The following SLC9B1 variants were observed in gnomAD, a reference collection of about 807,000 sequenced individuals.
SLC9B1 encodes solute carrier family 9 member B1, also known as sodium/hydrogen exchanger 9B1.
SLC9B1 carries 32 observed loss-of-function variants against 51.7 expected under a neutral mutation model. The observed-to-expected ratio is 0.62, with a 90% confidence interval of 0.47 to 0.83. The LOEUF (loss-of-function observed/expected upper bound fraction) is 0.83. Among genes scored for constraint, SLC9B1 ranks in the 40% least tolerant of loss-of-function variants. The probability of loss-of-function intolerance (pLI) is 0.00; values close to 1 mark genes in which losing one functional copy is unlikely to be tolerated. For missense variants in SLC9B1, 406 were observed against 613.2 expected (o/e 0.66, Z 3.57); for synonymous variants, 145 against 212.7 (o/e 0.68, Z 2.77).
intron 7 of SLC9B1, among the ~76,000 whole-genome samples, chr4:102,920,782 G>A (rs1317220091): frequency 6.6e-6 from 1 of 152,192 alleles, no homozygotes; most frequent in Non-Finnish European, 1.5e-5. Flanking sequence ...TTCAATAGCC[G>A]ATTCAATCAA....
chr4:102,919,766 G>A (rs1411275845), intron 7 of SLC9B1, among the ~76,000 whole-genome samples: 2 of 152,180 alleles, frequency 1.3e-5, no homozygotes, highest in Non-Finnish European at 2.9e-5. Flanking sequence ...CCCGTGCCTG[G>A]CTCAGCGGGT....
intron 3 of SLC9B1, 75 bp from the exon 4 acceptor site, chr4:102,949,502 T>C: frequency 8.3e-7 from 1 of 1,199,880 alleles, no homozygotes; most frequent in Non-Finnish European, 1.1e-6. Context: ...CAATTCTCTT[T>C]TATCATATAT....
chr4:102,912,930 C>T (rs973536433), intron 7 of SLC9B1, among the ~76,000 whole-genome samples: 13 of 152,086 alleles, frequency 8.5e-5, no homozygotes, highest in African/African-American at 2.9e-4. Context: ...TGGGGAGCTC[C>T]AAACCTTGAT....
chr4:102,957,148 C>T (rs1028420946), intron 3 of SLC9B1, among the ~76,000 whole-genome samples: 12 of 151,914 alleles, frequency 7.9e-5, no homozygotes, highest in South Asian at 2.1e-4. Context: ...GAAAAAAGAA[C>T]GAAGAATAAT....
intron 1 of SLC9B1, among the ~76,000 whole-genome samples, chr4:103,000,924 T>C (rs955167627): frequency 2.6e-5 from 4 of 152,228 alleles, no homozygotes; most frequent in African/African-American, 9.6e-5. Context: ...CAACCCTACA[T>C]TTCCTTTCCA....
At chr4:103,009,443 A>G (rs916321411) in intron 1 of SLC9B1, among the ~76,000 whole-genome samples, 1 of 152,174 alleles carries the variant, frequency 6.6e-6, no homozygotes, top group Non-Finnish European at 1.5e-5. Flanking sequence ...CTCTCCTCTA[A>G]AGAAAGGTAT....
intron 3 of SLC9B1, among the ~76,000 whole-genome samples, chr4:102,981,792 A>G (rs1430799323): frequency 2.6e-5 from 4 of 152,116 alleles, no homozygotes; most frequent in Non-Finnish European, 5.9e-5. Flanking sequence ...ATTTTCTTCC[A>G]ATCTGTTGCT....
At chr4:102,898,403 C>T (rs181124591), downstream of SLC9B1, among the ~76,000 whole-genome samples, 752 of 152,248 alleles carry the variant, frequency 4.9e-3, 4 homozygotes, top group African/African-American at 0.017. Flanking sequence ...CTAACAAATG[C>T]AATGATAGTC....
chr4:102,961,516 A>G (rs1220215453), intron 3 of SLC9B1, among the ~76,000 whole-genome samples: 2 of 152,252 alleles, frequency 1.3e-5, no homozygotes, highest in Non-Finnish European at 2.9e-5. Context: ...TTGTCTGAAT[A>G]GTATTTGCCA....
rs1733905261 is a variant in SLC9B1 at position 102,886,216 on chromosome 4, C to T, written c.1333-888G>A. On this transcript the variant is annotated intron_variant, in intron 11 of 11. Transcript: ENST00000394789. ...AAAACGAATACACGCAGGCCAGGCG[C>T]GGTGGCTCACGCCTGTAATCCCAGC... 4.6e-5 allele frequency among the ~76,000 whole-genome samples: 7 copies of T among 152,166 alleles called. No homozygotes were observed. In the South Asian group the frequency reaches 1.2e-3, roughly 27 times the overall value.
At chr4:102,902,555 T>C (rs566681812) in intron 11 of SLC9B1, among the ~76,000 whole-genome samples, 5 of 152,090 alleles carry the variant, frequency 3.3e-5, no homozygotes, top group African/African-American at 4.8e-5. Flanking sequence ...ACCAAACCCA[T>C]TGACTTTTAA....
At chr4:102,916,943 T>C (rs1331483570) in intron 7 of SLC9B1, among the ~76,000 whole-genome samples, 1 of 152,200 alleles carries the variant, frequency 6.6e-6, no homozygotes, top group Non-Finnish European at 1.5e-5. Context: ...AGGAGAATGA[T>C]GGATGAGTTA....
chr4:102,984,854 C>T (rs181251594), intron 3 of SLC9B1, among the ~76,000 whole-genome samples: 2 of 152,182 alleles, frequency 1.3e-5, no homozygotes, highest in African/African-American at 4.8e-5. Flanking sequence ...GTTTTTAACT[C>T]ATGTGTTCTT....
At chr4:102,912,166 C>T (rs899089530) in intron 7 of SLC9B1, 233 of 152,960 alleles carry the variant, frequency 1.5e-3, no homozygotes, top group African/African-American at 5.4e-3. Flanking sequence ...AAGTGAGGTA[C>T]AAGAATGGAG....
At chr4:102,900,204 G>T (rs923264485), downstream of SLC9B1, among the ~76,000 whole-genome samples, 1 of 152,086 alleles carries the variant, frequency 6.6e-6, no homozygotes, top group Non-Finnish European at 1.5e-5. Flanking sequence ...ATTCAATAAG[G>T]CCATTTTAGA....
At chr4:102,922,922 C>T (rs956225229) in intron 7 of SLC9B1, among the ~76,000 whole-genome samples, 7 of 151,848 alleles carry the variant, frequency 4.6e-5, no homozygotes, top group Non-Finnish European at 1.0e-4. Flanking sequence ...TAATAGCCTA[C>T]CAACCAAAAA....
At chr4:102,969,753 T>C (rs1241374440) in intron 3 of SLC9B1, among the ~76,000 whole-genome samples, 1 of 152,136 alleles carries the variant, frequency 6.6e-6, no homozygotes, top group East Asian at 1.9e-4. Context: ...AACGATTAGA[T>C]GAATGGCTAA....
At chr4:102,969,215 T>C (rs1269859586) in intron 3 of SLC9B1, among the ~76,000 whole-genome samples, 5 of 152,132 alleles carry the variant, frequency 3.3e-5, no homozygotes, top group African/African-American at 1.2e-4. Context: ...ACTCTGAGAA[T>C]GGGCAGAGCT....
intron 1 of SLC9B1, among the ~76,000 whole-genome samples, chr4:102,992,411 A>C (rs1560523667): frequency 6.6e-6 from 1 of 152,178 alleles, no homozygotes; most frequent in Non-Finnish European, 1.5e-5. Flanking sequence ...TAAAGATTTC[A>C]AGTTTTAATT....
Sources: allele counts gnomAD v4.1 joint callset (sites outside exome capture counted in the v4.1 genomes callset), GRCh38; gene constraint gnomAD v4.1.1; transcripts MANE v1.5; gene names NCBI Gene and HGNC (gene_info 2026-07-23, HGNC 2026-07-21).